The following XXYLT1 variants were observed in gnomAD, a reference collection of about 807,000 sequenced individuals.
XXYLT1 encodes the protein xyloside xylosyltransferase 1, also known as UDP-xylose:alpha-xyloside alpha-1,3-xylosyltransferase.
Under a neutral mutation model 28.9 loss-of-function variants are expected in XXYLT1, and 20 were observed. The ratio of observed to expected loss-of-function variants is 0.69; its 90% CI spans 0.49 to 1.00. XXYLT1 has a LOEUF of 1.00. XXYLT1 is among the 50% of genes least tolerant of loss of function. XXYLT1 has a pLI of 0.00. For synonymous variants in XXYLT1, 257 were observed against 253.8 expected (o/e 1.01, Z -0.12); for missense variants, 542 against 560.1 (o/e 0.97, Z 0.33).
chr3:195,130,323 T>C (rs985431788), intron 3 of XXYLT1, among the ~76,000 whole-genome samples: 1 of 152,206 alleles, frequency 6.6e-6, no homozygotes, highest in Non-Finnish European at 1.5e-5. Flanking sequence ...AGACAGGGAC[T>C]ATCTGAATGC....
At position 195,168,885 on chromosome 3, in the gene XXYLT1, G is replaced by A. The variant is rs1721258216; in HGVS notation, c.653-12304C>T. ...AGTTAGTCCCCATCCCCATCACAAA[G>A]TCTGAGCTCTTTTGCCTCAATGTGG... On this transcript the variant is annotated intron_variant, in intron 2 of 3. Transcript: ENST00000310380. This position sits in a 1 kb window ranked among gnomAD's most constrained non-coding sequence, Gnocchi z 4.3. 6.6e-6 allele frequency among the ~76,000 whole-genome samples: 1 copy of A among 152,176 alleles called. No homozygotes were observed. Among genetic ancestry groups the A allele is most frequent in the South Asian group, 2.1e-4 (1 of 4,834 alleles).
rs1378844189 is a variant in XXYLT1, at chr3:195,255,333, A to G, written c.504+15222T>C. 6.6e-6 allele frequency among the ~76,000 whole-genome samples: 1 copy of G among 152,126 alleles called. No homozygotes were observed. The highest frequency in any genetic ancestry group is 1.5e-5 in the Non-Finnish European group (1 of 68,002). ...ACAGCAGCGGGGTTCCCTACCCCAC[A>G]CGGCTCGCACCCACGAGCTCAGCCC... On this transcript the variant is annotated intron_variant, in intron 1 of 3. Transcript: ENST00000310380. This position sits in a 1 kb window ranked among gnomAD's most constrained non-coding sequence, Gnocchi z 4.5.
At chr3:195,101,660 A>G (rs1191410241) in intron 3 of XXYLT1, among the ~76,000 whole-genome samples, 1 of 151,920 alleles carries the variant, frequency 6.6e-6, no homozygotes, top group Non-Finnish European at 1.5e-5. Flanking sequence ...AAATTGGGAT[A>G]TAGCAAAAAA....
chr3:195,196,434 C>G (rs1490695716), intron 2 of XXYLT1, among the ~76,000 whole-genome samples: 1 of 152,178 alleles, frequency 6.6e-6, no homozygotes, highest in Non-Finnish European at 1.5e-5. Flanking sequence ...ACTACTGGGC[C>G]AACAACCCCG....
intron 2 of XXYLT1, chr3:195,184,911 T>A: frequency 1.3e-6 from 1 of 771,460 alleles, no homozygotes; most frequent in Non-Finnish European, 1.6e-6. Flanking sequence ...AATCATCCTT[T>A]CAGTTTCGTT....
intron 1 of XXYLT1, among the ~76,000 whole-genome samples, chr3:195,241,563 C>T (rs1490567699): frequency 6.6e-6 from 1 of 152,082 alleles, no homozygotes; most frequent in Non-Finnish European, 1.5e-5. Flanking sequence ...AATGTGAAGG[C>T]GCATTTCCAG....
chr3:195,156,728 A>T, intron 2 of XXYLT1, 147 bp from the exon 3 acceptor site: 1 of 1,083,186 alleles, frequency 9.2e-7, no homozygotes, highest in Middle Eastern at 2.8e-4. Context: ...CTGGAACAAA[A>T]GGCCTTTCAT....
At chr3:195,235,907 G>T (rs972001926) in intron 1 of XXYLT1, among the ~76,000 whole-genome samples, 8 of 128,990 alleles carry the variant, frequency 6.2e-5, no homozygotes, top group African/African-American at 3.0e-4. Context: ...CATAGACATA[G>T]ACATAGACAT....
intron 2 of XXYLT1, among the ~76,000 whole-genome samples, chr3:195,205,469 A>C (rs948296108): frequency 6.6e-6 from 1 of 152,160 alleles, no homozygotes; most frequent in Non-Finnish European, 1.5e-5. Context: ...ATGAAGGAGG[A>C]AATTAGTGGT....
intron 2 of XXYLT1, among the ~76,000 whole-genome samples, chr3:195,179,624 G>A (rs1301445850): frequency 2.0e-5 from 3 of 152,004 alleles, no homozygotes; most frequent in African/African-American, 4.8e-5. Context: ...AATGGACACC[G>A]TCAGCTTGTA....
chr3:195,235,028 G>A (rs964757380), intron 1 of XXYLT1, among the ~76,000 whole-genome samples: 3 of 151,560 alleles, frequency 2.0e-5, no homozygotes, highest in Admixed American at 2.0e-4. Flanking sequence ...TCCAGATCTC[G>A]TAGGCAAGCT....
chr3:195,206,147 A>G (rs961109882), intron 2 of XXYLT1, among the ~76,000 whole-genome samples: 1 of 149,692 alleles, frequency 6.7e-6, no homozygotes, highest in East Asian at 2.0e-4. Context: ...AGTAGCTGGG[A>G]CTACAGGCCC....
chr3:195,134,828 T>TGG (rs1553808157), intron 3 of XXYLT1, among the ~76,000 whole-genome samples: 2 of 16,330 alleles, frequency 1.2e-4, no homozygotes, highest in Non-Finnish European at 2.4e-4. Context: ...TGAAGAGGGG[T>TGG]GTGTGTGTGT....
At chr3:195,100,323 T>C (rs913407647) in intron 3 of XXYLT1, among the ~76,000 whole-genome samples, 33 of 152,232 alleles carry the variant, frequency 2.2e-4, no homozygotes, top group African/African-American at 7.5e-4. Context: ...GTGTGGCCTA[T>C]ATGGCATGGA....
At chr3:195,206,536 C>T (rs924687075) in intron 2 of XXYLT1, among the ~76,000 whole-genome samples, 1 of 151,826 alleles carries the variant, frequency 6.6e-6, no homozygotes, top group Non-Finnish European at 1.5e-5. Flanking sequence ...TGGGAGGTCG[C>T]GGTGGGAGGA....
intron 1 of XXYLT1, among the ~76,000 whole-genome samples, chr3:195,233,931 G>T (rs557528358): frequency 6.6e-6 from 1 of 151,920 alleles, no homozygotes; most frequent in South Asian, 2.1e-4. Flanking sequence ...GTTTTGTTTT[G>T]TTTGAGATGG....
In XXYLT1 at chr3:195,271,084, G is replaced by A. The variant is rs1726013333; in HGVS notation, c.-26C>T. The A allele has an allele frequency of 1.5e-6, 2 of 1,313,570 alleles. No individual in the cohort carries two copies. The highest frequency in any genetic ancestry group is 1.5e-5 in the African/African-American group (1 of 64,624). 81.4% of individuals were successfully genotyped at this position (1,313,570 alleles called of 1,614,324 possible). A position where few individuals can be genotyped will look rare whatever the true frequency, so the allele number is the denominator to read the frequency against. On this transcript the variant is annotated 5_prime_UTR_variant, in exon 1 of 4. Coordinates refer to ENST00000310380, the MANE Select transcript of XXYLT1 (RefSeq NM_152531.5). ...GCGCTACGAGACCGCGGCGCCAGCGGTGCCAGCAACGCGGGAGAGCCCTCG... is the reference window on the plus strand; with the variant it reads ...GCGCTACGAGACCGCGGCGCCAGCGATGCCAGCAACGCGGGAGAGCCCTCG...
intron 1 of XXYLT1, among the ~76,000 whole-genome samples, chr3:195,228,486 C>CTT (rs897820464): frequency 0.021 from 2,540 of 120,152 alleles, 93 homozygotes; most frequent in East Asian, 0.061. Flanking sequence ...CTATATTTCA[C>CTT]TTTTTTTTTT....
At chr3:195,211,790 G>T (rs1236558993) in intron 2 of XXYLT1, among the ~76,000 whole-genome samples, 1 of 151,942 alleles carries the variant, frequency 6.6e-6, no homozygotes, top group Non-Finnish European at 1.5e-5. Flanking sequence ...CAAAGATCTG[G>T]AGGAGGAGAG....
Sources: allele counts gnomAD v4.1 joint callset (sites outside exome capture counted in the v4.1 genomes callset), GRCh38; gene constraint gnomAD v4.1.1; non-coding constraint Gnocchi (gnomAD v3.1); transcripts MANE v1.5; gene names NCBI Gene and HGNC (gene_info 2026-07-23, HGNC 2026-07-21).